The following ARFIP2 variants were observed in gnomAD, a reference collection of about 807,000 sequenced individuals.
ARFIP2 encodes the protein arfaptin-2.
A neutral mutation model predicts 39.2 loss-of-function variants in ARFIP2; 14 were observed. That is an observed-to-expected ratio of 0.36 (90% confidence interval 0.24 to 0.56). ARFIP2 has a LOEUF of 0.56. Ranked by LOEUF, ARFIP2 falls within the 20% of genes least tolerant of loss-of-function variation. The pLI, the probability that ARFIP2 is intolerant of heterozygous loss-of-function variation, is 0.85. For missense variants in ARFIP2, 305 were observed against 422.5 expected (o/e 0.72, Z 2.44); for synonymous variants, 167 against 172.4 (o/e 0.97, Z 0.24).
intron 3 of ARFIP2, 106 bp downstream of exon 3, chr11:6,479,866 C>T (rs752743191): frequency 8.6e-7 from 1 of 1,156,374 alleles, no homozygotes; most frequent in African/African-American, 1.5e-5. Context: ...CAGAAGTTCC[C>T]AAGATCTCCA....
In ARFIP2 at chr11:6,478,031, G is replaced by A. The variant is rs1162314776; in HGVS notation, c.695+10C>T. ...ACTCCCCAAACCCTAAGCCCTGCCA[G>A]TGCCCACACCTGGCAGCCTCATACT... is the stretch of plus-strand genomic sequence containing the variant. On this transcript the variant is annotated intron_variant, in intron 6 of 7. Coordinates refer to ENST00000396777, the MANE Select transcript of ARFIP2 (RefSeq NM_001376558.2). This position sits in a 1 kb window ranked among gnomAD's most constrained non-coding sequence, Gnocchi z 4.8. 1.2e-6 allele frequency: 2 copies of A among 1,612,882 alleles called. No individual in the cohort carries two copies. Among genetic ancestry groups the A allele is most frequent in the Non-Finnish European group, 8.5e-7 (1 of 1,179,106 alleles).
intron 3 of ARFIP2, 75 bp downstream of exon 3, chr11:6,479,897 A>G: frequency 2.1e-6 from 3 of 1,404,620 alleles, no homozygotes; most frequent in Non-Finnish European, 3.0e-6. Flanking sequence ...AAGCTTTCCT[A>G]GACATATCCT....
rs763245918 is a variant in ARFIP2 at position 6,480,361 on chromosome 11, C to T, written c.61G>A (p.Glu21Lys). 14 of 1,613,596 alleles carry T rather than the reference C, an allele frequency of 8.7e-6. No homozygotes were observed. Among genetic ancestry groups the T allele is most frequent in the Non-Finnish European group, 1.2e-5 (14 of 1,179,838 alleles). The change falls in exon 2 of 8, where the codon GAA (glutamate) becomes AAA (lysine). Residue 21 changes from glutamate (E) to lysine (K), a missense_variant. By Grantham distance (56) the Glu-to-Lys change is moderately conservative. This residue lies in a region of ARFIP2 where 151 missense variants were observed against 203.1 expected (regional missense o/e 0.74). Coordinates refer to ENST00000396777, the MANE Select transcript of ARFIP2 (RefSeq NM_001376558.2). ...TCATCTTCAGGAAGCTGCCTGGCTTCGCCGTTCCCGTGGATAGGGATCTCC... is the reference window on the plus strand; with the variant it reads ...TCATCTTCAGGAAGCTGCCTGGCTTTGCCGTTCCCGTGGATAGGGATCTCC... ...TMEIPIHGNG[E>K]ARQLPEDDGL... is the part of the protein sequence containing the mutation.
rs143197439 is a variant in ARFIP2, at chr11:6,479,226, G to C, written c.229C>G (p.Pro77Ala). The C allele has an allele frequency of 6.5e-5, 105 of 1,614,042 alleles. No individual in the cohort carries two copies. In the Middle Eastern group the frequency reaches 1.5e-3, roughly 23 times the overall value. ...GCCACCTCATCTCCAGGGCCAGAAG[G>C]AGTGGTGCTGTGAGATGGATGGCGG... ...SGRHPSHSTT[P>A]SGPGDEVARG... Residue 77 changes from proline to alanine, a missense_variant, in exon 4 of 8, where the codon CCT becomes GCT. Physicochemically the swap from Pro to Ala is conservative, Grantham distance 27. Coordinates refer to ENST00000396777, the MANE Select transcript of ARFIP2 (RefSeq NM_001376558.2).
rs766655962 is a variant in ARFIP2 at position 6,480,362 on chromosome 11, G to A, written c.60C>T (p.Gly20=). 5.0e-6 allele frequency: 8 copies of A among 1,613,660 alleles called. No homozygotes were observed. The highest frequency in any genetic ancestry group is 4.4e-5 in the South Asian group (4 of 90,920). Reference sequence around the variant, plus strand: ...CATCTTCAGGAAGCTGCCTGGCTTCGCCGTTCCCGTGGATAGGGATCTCCA... The same window carrying A: ...CATCTTCAGGAAGCTGCCTGGCTTCACCGTTCCCGTGGATAGGGATCTCCA... ...ATMEIPIHGN[G]EARQLPEDDG... Residue 20 remains glycine (G), a synonymous_variant, in exon 2 of 8, where the codon GGC becomes GGT. Coordinates refer to ENST00000396777, the MANE Select transcript of ARFIP2 (RefSeq NM_001376558.2).
Position 6,477,363 on chromosome 11 carries a change from C to T in ARFIP2, c.871-95G>A, listed in dbSNP as rs1851193201. On this transcript the variant is annotated intron_variant, in intron 7 of 7. Transcript: ENST00000396777. This position sits in a 1 kb window ranked among gnomAD's most constrained non-coding sequence, Gnocchi z 4.8. The stretch of plus-strand genomic sequence containing the variant: ...CAGGCACAGACCAGGGGCACAAGGA[C>T]TCTGCTCTGATGGTGCTTTTGGGGT... 2 of 1,424,104 alleles carry T rather than the reference C, an allele frequency of 1.4e-6. No homozygotes were observed. The highest frequency in any genetic ancestry group is 1.9e-6 in the Non-Finnish European group (2 of 1,059,938). The allele number at this position is 1,424,104 out of a possible 1,614,324, so 88.2% of individuals were successfully genotyped here. A position where few individuals can be genotyped will look rare whatever the true frequency, so the allele number is the denominator to read the frequency against.
At position 6,477,040 on chromosome 11, in the gene ARFIP2, T is replaced by C. The variant is rs1851146923; in HGVS notation, c.*73A>G. 5 of 1,487,366 alleles carry C rather than the reference T, an allele frequency of 3.4e-6. No homozygotes were observed. Among genetic ancestry groups the C allele is most frequent in the Admixed American group, 4.4e-5 (2 of 45,960 alleles). The allele number at this position is 1,487,366 out of a possible 1,614,324, so 92.1% of individuals were successfully genotyped here. A position where few individuals can be genotyped will look rare whatever the true frequency, so the allele number is the denominator to read the frequency against. On this transcript the variant is annotated 3_prime_UTR_variant, in exon 8 of 8. Coordinates refer to ENST00000396777, the MANE Select transcript of ARFIP2 (RefSeq NM_001376558.2). The surrounding 1 kb of genome is among the most constrained non-coding windows in gnomAD (Gnocchi z 4.8). Reference sequence around the variant, plus strand: ...AGGGCAAGTGACAAAGGATGTACCATGTCCAATCTCCCACACCCTGGGGCT... The same window carrying C: ...AGGGCAAGTGACAAAGGATGTACCACGTCCAATCTCCCACACCCTGGGGCT...
Position 6,477,365 on chromosome 11 carries a change from C to G in ARFIP2, c.871-97G>C. On this transcript the variant is annotated intron_variant, in intron 7 of 7. Coordinates refer to ENST00000396777, the MANE Select transcript of ARFIP2 (RefSeq NM_001376558.2). The surrounding 1 kb of genome is among the most constrained non-coding windows in gnomAD (Gnocchi z 4.8). ...GGCACAGACCAGGGGCACAAGGACTCTGCTCTGATGGTGCTTTTGGGGTAG... is the reference window on the plus strand; with the variant it reads ...GGCACAGACCAGGGGCACAAGGACTGTGCTCTGATGGTGCTTTTGGGGTAG... 1 of 1,409,404 alleles carries G rather than the reference C, an allele frequency of 7.1e-7. No homozygotes were observed. The allele number at this position is 1,409,404 out of a possible 1,614,324, so 87.3% of individuals were successfully genotyped here. A position where few individuals can be genotyped will look rare whatever the true frequency, so the allele number is the denominator to read the frequency against.
rs762042418 is a variant in ARFIP2 at position 6,478,843 on chromosome 11, C to T, written c.432G>A (p.Leu144=). 6 of 1,614,192 alleles carry T rather than the reference C, an allele frequency of 3.7e-6. No homozygotes were observed. In the Admixed American group the frequency reaches 6.7e-5, roughly 18 times the overall value. Residue 144 remains leucine (L), a synonymous_variant, in exon 5 of 8, where the codon CTG becomes CTA. Transcript: ENST00000396777. The surrounding 1 kb of genome is among the most constrained non-coding windows in gnomAD (Gnocchi z 4.8). ...RETKRKYESV[L]QLGRALTAHL... is the part of the protein sequence containing the mutation. ...GGGCTGTCAGTGCCCGGCCCAGCTG[C>T]AGGACACTCTCATACTTGCGCTTCG...
In ARFIP2 at chr11:6,477,625, G is replaced by T; in HGVS notation, c.870+93C>A. The T allele has an allele frequency of 7.0e-7, 1 of 1,422,766 alleles. No individual in the cohort carries two copies. The highest frequency in any genetic ancestry group is 9.6e-7 in the Non-Finnish European group (1 of 1,041,576). 88.1% of individuals were successfully genotyped at this position (1,422,766 alleles called of 1,614,324 possible). A position where few individuals can be genotyped will look rare whatever the true frequency, so the allele number is the denominator to read the frequency against. ...GAACACTCTACTCCCCAGCTAGGCT[G>T]CATTTCCTCATTCAATAATGGGGAG... On this transcript the variant is annotated intron_variant, in intron 7 of 7. Coordinates refer to ENST00000396777, the MANE Select transcript of ARFIP2 (RefSeq NM_001376558.2). The surrounding 1 kb of genome is among the most constrained non-coding windows in gnomAD (Gnocchi z 4.8).
At position 6,480,319 on chromosome 11, in the gene ARFIP2, G is replaced by A. The variant is rs1851591860; in HGVS notation, c.99+4C>T. ...AAACAATTAGAAGAATCAAACAGAAGCACCTGCTCCAGCCCATCATCTTCA... is the reference window on the plus strand; with the variant it reads ...AAACAATTAGAAGAATCAAACAGAAACACCTGCTCCAGCCCATCATCTTCA... On this transcript the variant is annotated splice_donor_region_variant and intron_variant, in intron 2 of 7. Transcript: ENST00000396777. The A allele has an allele frequency of 6.2e-7, 1 of 1,611,810 alleles. No homozygotes were observed. The highest frequency in any genetic ancestry group is 1.1e-5 in the South Asian group (1 of 90,606).
chr11:6,479,114 G>T (rs750186715), intron 4 of ARFIP2, 26 bp downstream of exon 4: 4 of 1,609,684 alleles, frequency 2.5e-6, no homozygotes, highest in South Asian at 1.1e-5. Context: ...GGAGTTTTGG[G>T]GAAGGGAGAG....
rs748286505 is a variant in ARFIP2, at chr11:6,477,166, T to G, written c.973A>C (p.Ile325Leu). The G allele has an allele frequency of 2.1e-5, 34 of 1,612,224 alleles. No individual in the cohort carries two copies. The highest frequency in any genetic ancestry group is 2.7e-5 in the Non-Finnish European group (32 of 1,179,152). ...TCAGCTCCTGGAGGCCGCAGCTTGA[T>G]GTTGAACTGCTGCAGGGTCTGCTCC... The part of the protein sequence containing the change: ...QLEQTLQQFN[I>L]KLRPPGAEKP... The change falls in exon 8 of 8, where the codon ATC (isoleucine) becomes CTC (leucine). Residue 325 changes from isoleucine (I) to leucine (L), a missense_variant. Coordinates refer to ENST00000396777, the MANE Select transcript of ARFIP2 (RefSeq NM_001376558.2). This position sits in a 1 kb window ranked among gnomAD's most constrained non-coding sequence, Gnocchi z 4.8.
Position 6,478,644 on chromosome 11 carries a change from C to T in ARFIP2, c.537+94G>A. On this transcript the variant is annotated intron_variant, in intron 5 of 7. Transcript: ENST00000396777. The surrounding 1 kb of genome is among the most constrained non-coding windows in gnomAD (Gnocchi z 4.8). ...GCTGGGCCCACCCTGAAGGGGTTCT[C>T]CCTGTGGGCTGCAGGAGGGAGGGAG... 1 of 1,517,382 alleles carries T rather than the reference C, an allele frequency of 6.6e-7. No homozygotes were observed. The allele number at this position is 1,517,382 out of a possible 1,614,324, so 94.0% of individuals were successfully genotyped here.
Position 6,477,359 on chromosome 11 carries a change from A to G in ARFIP2, c.871-91T>C, listed in dbSNP as rs2134273896. 1.4e-6 allele frequency: 2 copies of G among 1,442,162 alleles called. No homozygotes were observed. Among genetic ancestry groups the G allele is most frequent in the East Asian group, 2.4e-5 (1 of 40,894 alleles). 89.3% of individuals were successfully genotyped at this position (1,442,162 alleles called of 1,614,324 possible). A position where few individuals can be genotyped will look rare whatever the true frequency, so the allele number is the denominator to read the frequency against. On this transcript the variant is annotated intron_variant, in intron 7 of 7. Transcript: ENST00000396777. This position sits in a 1 kb window ranked among gnomAD's most constrained non-coding sequence, Gnocchi z 4.8. ...AGCCCAGGCACAGACCAGGGGCACA[A>G]GGACTCTGCTCTGATGGTGCTTTTG...
At position 6,476,806 on chromosome 11, in the gene ARFIP2, C is replaced by A. The variant is rs1174231016; in HGVS notation, c.*307G>T. 5.0e-5 allele frequency: 16 copies of A among 320,508 alleles called. No individual in the cohort carries two copies. The highest frequency in any genetic ancestry group is 1.8e-5 in the Non-Finnish European group (3 of 170,558). The allele number at this position is 320,508 out of a possible 1,614,324, so 19.9% of individuals were successfully genotyped here. A position where few individuals can be genotyped will look rare whatever the true frequency, so the allele number is the denominator to read the frequency against. On this transcript the variant is annotated 3_prime_UTR_variant, in exon 8 of 8. Coordinates refer to ENST00000396777, the MANE Select transcript of ARFIP2 (RefSeq NM_001376558.2). ...GCTCTGTCATTGGTCAGGGAGCACACCCCAGCCTGAAGAGTGATGCCATTG... is the reference window on the plus strand; with the variant it reads ...GCTCTGTCATTGGTCAGGGAGCACAACCCAGCCTGAAGAGTGATGCCATTG...
chr11:6,477,905 T>C lies in ARFIP2; in HGVS notation c.696-13A>G. Reference sequence around the variant, plus strand: ...ATCATATTCCAGCCTGGGGAGGGGGTGATAAAGGCTGGTCTCCACTCCTTT... The same window carrying C: ...ATCATATTCCAGCCTGGGGAGGGGGCGATAAAGGCTGGTCTCCACTCCTTT... On this transcript the variant is annotated splice_polypyrimidine_tract_variant and intron_variant, in intron 6 of 7. Transcript: ENST00000396777. The surrounding 1 kb of genome is among the most constrained non-coding windows in gnomAD (Gnocchi z 4.8). 6.2e-7 allele frequency: 1 copy of C among 1,612,992 alleles called. No homozygotes were observed. The highest frequency in any genetic ancestry group is 8.5e-7 in the Non-Finnish European group (1 of 1,179,424).
chr11:6,480,225 A>G (rs1162002767), intron 2 of ARFIP2, 98 bp downstream of exon 2: 52 of 1,347,154 alleles, frequency 3.9e-5, no homozygotes, highest in South Asian at 4.8e-5. Flanking sequence ...AGGGAGTCAG[A>G]TAAGTCAGGG....
chr11:6,480,314 C>G lies in ARFIP2; in HGVS notation c.99+9G>C. The G allele has an allele frequency of 1.2e-6, 2 of 1,611,088 alleles. No individual in the cohort carries two copies. Among genetic ancestry groups the G allele is most frequent in the Non-Finnish European group, 1.7e-6 (2 of 1,178,600 alleles). On this transcript the variant is annotated intron_variant, in intron 2 of 7. Transcript: ENST00000396777. ...AATTGAAACAATTAGAAGAATCAAA[C>G]AGAAGCACCTGCTCCAGCCCATCAT...
Sources: allele counts gnomAD v4.1 joint callset, GRCh38; gene constraint gnomAD v4.1.1; regional missense constraint gnomAD v4.1.1; non-coding constraint Gnocchi (gnomAD v3.1); transcripts MANE v1.5; gene names NCBI Gene and HGNC (gene_info 2026-07-23, HGNC 2026-07-21).